DNHD1: variants seen among roughly 807,000 people sequenced by gnomAD.
DNHD1 encodes the protein dynein heavy chain domain-containing protein 1.
Under a neutral mutation model 458.1 loss-of-function variants are expected in DNHD1, and 383 were observed. That is an observed-to-expected ratio of 0.84 (90% CI 0.77 to 0.91). The LOEUF (loss-of-function observed/expected upper bound fraction) is 0.91, where lower values mean the gene tolerates loss of function less well. Among genes scored for constraint, DNHD1 ranks in the 40% least tolerant of loss-of-function variants. DNHD1 has a pLI of 0.00. For synonymous variants in DNHD1, 2,203 were observed against 2,376.9 expected (o/e 0.93, Z 2.13); for missense variants, 5,336 against 5,866.1 (o/e 0.91, Z 2.95).
rs940245811 is a variant in DNHD1, at chr11:6,565,865, G to A, written c.10927G>A (p.Glu3643Lys). ...AGAGGAAAATGAAGAGAAAGAGGAG[G>A]AGAAGACAGAGAGCCAGGGGTCAAA... Reference protein sequence around the residue: ...EQEENEEKEEEKTESQGSKPA... With the variant: ...EQEENEEKEEKKTESQGSKPA... The change falls in exon 33 of 43, where the codon GAG becomes AAG. Residue 3643 changes from glutamate (E) to lysine (K), a missense_variant. Glu to Lys is a moderately conservative substitution (Grantham distance 56). Coordinates refer to ENST00000254579, the MANE Select transcript of DNHD1 (RefSeq NM_144666.3). 1 of 1,551,448 alleles carries A rather than the reference G, an allele frequency of 6.4e-7. No homozygotes were observed. Among genetic ancestry groups the A allele is most frequent in the African/African-American group, 1.4e-5 (1 of 72,992 alleles).
At position 6,519,742 on chromosome 11, in the gene DNHD1, C is replaced by CTG; in HGVS notation, c.1535_1536insTG (p.Trp513AlafsTer16). On this transcript the variant is annotated frameshift_variant, in exon 8 of 43. Transcript: ENST00000254579. LOFTEE classifies it high-confidence loss of function. ...GAGCAGAAGCTGAAGCAAGCAGAGGCCTGGTGGCTGCAGCTGGGAAAGTTT... is the reference window on the plus strand; with the variant it reads ...GAGCAGAAGCTGAAGCAAGCAGAGGCTGCTGGTGGCTGCAGCTGGGAAAGTTT... The CTG allele has an allele frequency of 6.2e-7, 1 of 1,614,146 alleles. No individual in the cohort carries two copies. The highest frequency in any genetic ancestry group is 8.5e-7 in the Non-Finnish European group (1 of 1,180,038).
Position 6,558,540 on chromosome 11 carries a change from C to T in DNHD1, c.9058C>T (p.Gln3020Ter), listed in dbSNP as rs917207988. 1.6e-5 allele frequency: 25 copies of T among 1,551,614 alleles called. No homozygotes were observed. Among genetic ancestry groups the T allele is most frequent in the Non-Finnish European group, 2.0e-5 (23 of 1,147,008 alleles). Residue 3020 changes from glutamine (Q) to a stop codon, truncating the protein, a stop_gained, in exon 26 of 43, where the codon CAG becomes TAG. Transcript: ENST00000254579. LOFTEE classifies it high-confidence loss of function. ...LHLFFLIGDK[Q>*]AHKQLPSTLF... The stretch of plus-strand genomic sequence containing the variant: ...CCTGTTCTTCCTGATTGGAGATAAA[C>T]AGGCCCACAAGCAGCTGCCCTCCAC...
rs886347649 is a variant in DNHD1 at position 6,528,533 on chromosome 11, G to C, written c.1849G>C (p.Glu617Gln). 12 of 1,549,708 alleles carry C rather than the reference G, an allele frequency of 7.7e-6. No individual in the cohort carries two copies. The African/African-American group carries it at 1.5e-4, about 19-fold the overall frequency. The change falls in exon 11 of 43, where the codon GAG becomes CAG. Residue 617 changes from glutamate (E) to glutamine (Q), a missense_variant. Around this residue, in one of 4 missense-constraint regions of DNHD1, gnomAD observed 3,932 missense variants for 4,365.6 expected, o/e 0.90. Transcript: ENST00000254579. ...CTGTGCTCCACTAGAAGAAGATGAAGAGGAGGACTCAAAAGACGAATTTCT... is the reference window on the plus strand; with the variant it reads ...CTGTGCTCCACTAGAAGAAGATGAACAGGAGGACTCAAAAGACGAATTTCT... ...DSLYSEEEDE[E>Q]EDSKDEFLMP...
chr11:6,557,216 C>G lies in DNHD1; in HGVS notation c.7921C>G (p.Arg2641Gly). Residue 2641 changes from arginine to glycine, a missense_variant, in exon 25 of 43, where the codon CGC (arginine) becomes GGC (glycine). Transcript: ENST00000254579. Reference protein sequence around the residue: ...GTCLTVMMATRNVVRLWLHEA... With the variant: ...GTCLTVMMATGNVVRLWLHEA... ...TTGTCTGACCGTTATGATGGCCACA[C>G]GCAATGTGGTGCGTCTTTGGTTGCA... 1.3e-6 allele frequency: 2 copies of G among 1,551,664 alleles called. No homozygotes were observed. Among genetic ancestry groups the G allele is most frequent in the Non-Finnish European group, 1.7e-6 (2 of 1,147,002 alleles).
In DNHD1 at chr11:6,567,803, C is replaced by G; in HGVS notation, c.12294C>G (p.Pro4098=). 6.2e-7 allele frequency: 1 copy of G among 1,613,724 alleles called. No homozygotes were observed. The highest frequency in any genetic ancestry group is 8.5e-7 in the Non-Finnish European group (1 of 1,179,906). The change falls in exon 36 of 43, where the codon CCC becomes CCG. Residue 4098 remains proline, a synonymous_variant. Coordinates refer to ENST00000254579, the MANE Select transcript of DNHD1 (RefSeq NM_144666.3). ...MLILLPPPGH[P]SATLHPLTVI... ...TCTTGTTGCCACCGCCTGGCCACCC[C>G]TCAGCCACTCTGCATCCTCTGACTG...
Position 6,545,442 on chromosome 11 carries a change from C to A in DNHD1, c.4503C>A (p.Asp1501Glu), listed in dbSNP as rs1437421603. ...AACTGTATGTCCAGCACTGGATCGA[C>A]TTAGTCCAGGCCTTCCCATGGCAGT... ...YLQLYVQHWI[D>E]LVQAFPWQCV... The change falls in exon 21 of 43, where the codon GAC becomes GAA. Residue 1501 changes from aspartate to glutamate, a missense_variant. By Grantham distance (45) the Asp-to-Glu change is conservative. Around this residue, in one of 4 missense-constraint regions of DNHD1, gnomAD observed 3,932 missense variants for 4,365.6 expected, o/e 0.90. Coordinates refer to ENST00000254579, the MANE Select transcript of DNHD1 (RefSeq NM_144666.3). This position sits in a 1 kb window ranked among gnomAD's most constrained non-coding sequence, Gnocchi z 4.9. The A allele has an allele frequency of 1.3e-6, 2 of 1,551,756 alleles. No individual in the cohort carries two copies. Among genetic ancestry groups the A allele is most frequent in the Non-Finnish European group, 1.7e-6 (2 of 1,147,038 alleles).
rs1344198191 is a variant in DNHD1 at position 6,561,253 on chromosome 11, CA to C, written c.9520-1728del. Among the ~76,000 whole-genome samples the C allele has an allele frequency of 8.5e-5, 13 of 152,182 alleles. No homozygotes were observed. The East Asian group carries it at 2.5e-3, about 29-fold the overall frequency. On this transcript the variant is annotated intron_variant, in intron 28 of 42. Coordinates refer to ENST00000254579, the MANE Select transcript of DNHD1 (RefSeq NM_144666.3). ...GAGTTCAAGACCAGCCTGGGCAACACAGCAAAACACTGTCTCTACAAAAAAT... is the reference window on the plus strand; with the variant it reads ...GAGTTCAAGACCAGCCTGGGCAACACGCAAAACACTGTCTCTACAAAAAAT...
Position 6,571,200 on chromosome 11 carries a change from T to C in DNHD1, c.13688T>C (p.Val4563Ala). 6.2e-7 allele frequency: 1 copy of C among 1,606,092 alleles called. No homozygotes were observed. The highest frequency in any genetic ancestry group is 1.3e-5 in the African/African-American group (1 of 74,934). ...RQLSRRGQLL[V>A]RYLGVGADAS... is the part of the protein sequence containing the mutation. ...TTGTCGCGCCGTGGGCAACTGTTGG[T>C]TCGTTACTTGGGCGTGGGCGCGGAC... The change falls in exon 42 of 43, where the codon GTT becomes GCT. Residue 4563 changes from valine (V) to alanine (A), a missense_variant. Transcript: ENST00000254579. This position sits in a 1 kb window ranked among gnomAD's most constrained non-coding sequence, Gnocchi z 5.0.
In DNHD1 at chr11:6,571,403, A is replaced by G. The variant is rs1203275309; in HGVS notation, c.13891A>G (p.Ser4631Gly). 8 of 1,605,014 alleles carry G rather than the reference A, an allele frequency of 5.0e-6. No individual in the cohort carries two copies. The highest frequency in any genetic ancestry group is 6.8e-6 in the Non-Finnish European group (8 of 1,173,928). ...CCAGTATAAACGTCTGGAGATGAAC[A>G]GCAACCCTCTGCACTTCAGGGTATC... is the stretch of plus-strand genomic sequence containing the variant. The part of the protein sequence containing the change: ...QLQYKRLEMN[S>G]NPLHFRVENG... The change falls in exon 42 of 43, where the codon AGC becomes GGC. Residue 4631 changes from serine (S) to glycine (G), a missense_variant. This residue lies in a region of DNHD1 where 698 missense variants were observed against 664.9 expected (regional missense o/e 1.05). Transcript: ENST00000254579. The surrounding 1 kb of genome is among the most constrained non-coding windows in gnomAD (Gnocchi z 5.0).
chr11:6,509,303 T>G (rs1488724613), intron 6 of DNHD1, 31 bp downstream of exon 6: 2 of 1,561,426 alleles, frequency 1.3e-6, no homozygotes, highest in Non-Finnish European at 1.7e-6. Context: ...CTTCATTGAG[T>G]TTTTAAAAAT....
chr11:6,556,069 G>A (rs1248825870), intron 24 of DNHD1, among the ~76,000 whole-genome samples: 1 of 152,132 alleles, frequency 6.6e-6, no homozygotes, highest in Non-Finnish European at 1.5e-5. Context: ...AAGCTCTTGT[G>A]CTCAAGTGAT....
intron 6 of DNHD1, among the ~76,000 whole-genome samples, 164 bp downstream of exon 6, chr11:6,509,436 T>C (rs1271888195): frequency 6.6e-6 from 1 of 152,234 alleles, no homozygotes; most frequent in African/African-American, 2.4e-5. Flanking sequence ...CTTTCTAGTC[T>C]TTTTTCTATC....
chr11:6,521,950 C>CA lies in DNHD1; in HGVS notation c.1837+1663dup, dbSNP rs547794008. ...GAGGCTGGTCGTGAACTCCTATCAT[C>CA]AAGCAATCCTCCTATCTTGGCCTTG... On this transcript the variant is annotated intron_variant, in intron 10 of 42. Coordinates refer to ENST00000254579, the MANE Select transcript of DNHD1 (RefSeq NM_144666.3). Among the ~76,000 whole-genome samples the CA allele has an allele frequency of 8.8e-3, 1,345 of 152,284 alleles. 19 individuals carry two copies. The highest frequency in any genetic ancestry group is 0.03 in the African/African-American group (1,266 of 41,550).
intron 28 of DNHD1, among the ~76,000 whole-genome samples, chr11:6,562,610 G>A (rs73407194): frequency 0.063 from 9,656 of 152,180 alleles, 665 homozygotes; most frequent in African/African-American, 0.17. Context: ...AAAGCCCAAG[G>A]AGAACACAGT....
intron 13 of DNHD1, 81 bp from the exon 14 acceptor site, chr11:6,533,600 G>C: frequency 6.8e-7 from 1 of 1,470,262 alleles, no homozygotes; most frequent in South Asian, 1.4e-5. Context: ...CACTCCAAAA[G>C]GTGGGAGTTC....
chr11:6,547,630 C>T lies in DNHD1; in HGVS notation c.6691C>T (p.His2231Tyr). ...ARILHSLLDL[H>Y]LRLKEEKAPG... is the part of the protein sequence containing the mutation. The stretch of plus-strand genomic sequence containing the variant: ...CATCTTGCATAGTCTGCTTGACCTC[C>T]ACCTTCGCCTAAAGGAGGAGAAGGC... The change falls in exon 21 of 43, where the codon CAC (histidine) becomes TAC (tyrosine). Residue 2231 changes from histidine (H) to tyrosine (Y), a missense_variant. By Grantham distance (83) the His-to-Tyr change is moderately conservative. This residue lies in a region of DNHD1 where 3,932 missense variants were observed against 4,365.6 expected (regional missense o/e 0.90). Transcript: ENST00000254579. The T allele has an allele frequency of 6.5e-7, 1 of 1,534,044 alleles. No individual in the cohort carries two copies. The highest frequency in any genetic ancestry group is 8.8e-7 in the Non-Finnish European group (1 of 1,134,322).
At position 6,556,696 on chromosome 11, in the gene DNHD1, C is replaced by G. The variant is rs1269950941; in HGVS notation, c.7401C>G (p.Ser2467Arg). The change falls in exon 25 of 43, where the codon AGC (serine) becomes AGG (arginine). Residue 2467 changes from serine to arginine, a missense_variant. Around this residue, in one of 4 missense-constraint regions of DNHD1, gnomAD observed 3,932 missense variants for 4,365.6 expected, o/e 0.90. Transcript: ENST00000254579. ...CATGTCCCATAGACCCAGAGAAGAG[C>G]TGCCAGCCAGTGTTGGAGACTCTGC... is the stretch of plus-strand genomic sequence containing the variant. ...LHLATSDPEK[S>R]CQPVLETLRQ... 3.2e-6 allele frequency: 5 copies of G among 1,542,860 alleles called. No homozygotes were observed. In the East Asian group the frequency reaches 1.2e-4, roughly 38 times the overall value.
chr11:6,556,814 C>T lies in DNHD1; in HGVS notation c.7519C>T (p.Pro2507Ser), dbSNP rs1466262612. The change falls in exon 25 of 43, where the codon CCA (proline) becomes TCA (serine). Residue 2507 changes from proline (P) to serine (S), a missense_variant. Around this residue, in one of 4 missense-constraint regions of DNHD1, gnomAD observed 3,932 missense variants for 4,365.6 expected, o/e 0.90. Transcript: ENST00000254579. Reference protein sequence around the residue: ...TVNFLATVTVPGYCERPLCPR... With the variant: ...TVNFLATVTVSGYCERPLCPR... ...CAACTTCCTTGCCACTGTCACAGTG[C>T]CAGGATACTGTGAGCGCCCACTGTG... The T allele has an allele frequency of 6.4e-7, 1 of 1,551,570 alleles. No individual in the cohort carries two copies. Among genetic ancestry groups the T allele is most frequent in the Non-Finnish European group, 8.7e-7 (1 of 1,146,994 alleles).
At chr11:6,540,352 A>C (rs574131189) in intron 18 of DNHD1, among the ~76,000 whole-genome samples, 1 of 152,080 alleles carries the variant, frequency 6.6e-6, no homozygotes. Flanking sequence ...ACCCTCAGAA[A>C]TTCCTCATAG....
Sources: gnomAD v4.1 joint callset for allele counts (sites outside exome capture counted in the v4.1 genomes callset) on GRCh38, gnomAD v4.1.1 for gene constraint, gnomAD v4.1.1 regional missense constraint, Gnocchi (gnomAD v3.1) non-coding constraint, MANE v1.5 for transcripts, NCBI Gene and HGNC (gene_info 2026-07-23, HGNC 2026-07-21) for gene names.